Variants in CRISPLD1 observed in about 807,000 individuals in gnomAD.
The protein encoded by CRISPLD1 is cysteine-rich secretory protein LCCL domain-containing 1.
In CRISPLD1, 60 loss-of-function variants were observed where a neutral mutation model predicts 77.5. The observed-to-expected ratio is 0.77, with a 90% CI of 0.63 to 0.96. The LOEUF (loss-of-function observed/expected upper bound fraction) is 0.96. CRISPLD1 is among the 40% of genes least tolerant of loss of function. The pLI, the probability that CRISPLD1 is intolerant of heterozygous loss-of-function variation, is 0.00. For missense variants in CRISPLD1, 623 were observed against 615.8 expected (o/e 1.01, Z -0.12); for synonymous variants, 195 against 200.1 (o/e 0.97, Z 0.22).
At chr8:74,991,676 G>A (rs1039244530) in intron 2 of CRISPLD1, among the ~76,000 whole-genome samples, 3 of 152,108 alleles carry the variant, frequency 2.0e-5, no homozygotes, top group Non-Finnish European at 4.4e-5. Flanking sequence ...AATGGTGGGC[G>A]TGTGTCACTT....
chr8:74,986,084 G>C lies in CRISPLD1; in HGVS notation c.97G>C (p.Glu33Gln), dbSNP rs955216207. The change falls in exon 2 of 15, where the codon GAG becomes CAG. Residue 33 changes from glutamate (E) to glutamine (Q), a missense_variant. Glu to Gln is a conservative substitution (Grantham distance 29). Transcript: ENST00000262207. ...AMVVPNATLL[E>Q]KLLEKYMDED... Reference sequence around the variant, plus strand: ...GGTGGTTCCCAATGCCACTTTATTGGAGAAACTTTTGGAAAAATACATGGA... The same window carrying C: ...GGTGGTTCCCAATGCCACTTTATTGCAGAAACTTTTGGAAAAATACATGGA... 7 of 1,613,968 alleles carry C rather than the reference G, an allele frequency of 4.3e-6. No individual in the cohort carries two copies. Among genetic ancestry groups the C allele is most frequent in the Non-Finnish European group, 5.9e-6 (7 of 1,180,026 alleles).
chr8:75,016,175 C>T (rs1208081385), intron 6 of CRISPLD1, among the ~76,000 whole-genome samples: 1 of 152,046 alleles, frequency 6.6e-6, no homozygotes, highest in African/African-American at 2.4e-5. Context: ...AAATGTGATC[C>T]TCCTGAAAAT....
At chr8:75,017,658 C>G (rs1414517656) in intron 10 of CRISPLD1, among the ~76,000 whole-genome samples, 1 of 152,084 alleles carries the variant, frequency 6.6e-6, no homozygotes, top group Admixed American at 6.6e-5. Context: ...AATGGGCATG[C>G]TAAAACTCCA....
chr8:75,028,201 AG>A (rs1813268031), intron 13 of CRISPLD1, among the ~76,000 whole-genome samples: 1 of 152,194 alleles, frequency 6.6e-6, no homozygotes, highest in South Asian at 2.1e-4. Context: ...TCTTTGAGTA[AG>A]GATGCAGGTT....
intron 2 of CRISPLD1, among the ~76,000 whole-genome samples, chr8:74,988,209 A>G (rs1356918941): frequency 2.0e-5 from 3 of 152,260 alleles, no homozygotes; most frequent in Admixed American, 2.0e-4. Flanking sequence ...TTTTAAAACA[A>G]TGTAAATGAG....
At chr8:75,027,713 T>C (rs1358044258) in intron 13 of CRISPLD1, among the ~76,000 whole-genome samples, 1 of 152,182 alleles carries the variant, frequency 6.6e-6, no homozygotes, top group Non-Finnish European at 1.5e-5. Context: ...TCTCTCCAAA[T>C]AAAGGATGGA....
rs182009685 is a variant in CRISPLD1 at position 75,033,728 on chromosome 8, A to G, written c.*1486A>G. 6.6e-6 allele frequency: 1 copy of G among 152,156 alleles called. No homozygotes were observed. Among genetic ancestry groups the G allele is most frequent in the East Asian group, 1.9e-4 (1 of 5,190 alleles). 9.4% of individuals were successfully genotyped at this position (152,156 alleles called of 1,614,324 possible). ...AAGAAAAAGAAGAAGGTTCACATAA[A>G]TAGCTTCTGGAGTGCAAATTATAAA... is the stretch of plus-strand genomic sequence containing the variant. On this transcript the variant is annotated 3_prime_UTR_variant, in exon 15 of 15. Transcript: ENST00000262207.
chr8:74,990,033 T>G (rs1274761224), intron 2 of CRISPLD1, among the ~76,000 whole-genome samples: 1 of 152,136 alleles, frequency 6.6e-6, no homozygotes, highest in Non-Finnish European at 1.5e-5. Flanking sequence ...CTCACTTACA[T>G]GTGGGAGCTT....
At chr8:75,022,870 T>C (rs1276366989) in intron 12 of CRISPLD1, among the ~76,000 whole-genome samples, 1 of 152,014 alleles carries the variant, frequency 6.6e-6, no homozygotes, top group African/African-American at 2.4e-5. Context: ...CAAAATAAAC[T>C]ATCTAACTAT....
intron 2 of CRISPLD1, among the ~76,000 whole-genome samples, chr8:74,987,667 A>G (rs951978253): frequency 6.6e-5 from 10 of 152,200 alleles, no homozygotes; most frequent in African/African-American, 2.4e-4. Context: ...TCTAAAGTGA[A>G]AAATTCTATG....
intron 3 of CRISPLD1, 106 bp from the exon 4 acceptor site, chr8:75,012,784 A>G (rs1587017361): frequency 1.5e-6 from 2 of 1,297,524 alleles, no homozygotes; most frequent in Admixed American, 2.2e-5. Flanking sequence ...TTAATAGTTT[A>G]CGCCAAAGTG....
chr8:75,013,117 ATGGT>A, intron 4 of CRISPLD1, 95 bp downstream of exon 4: 1 of 1,061,462 alleles, frequency 9.4e-7, no homozygotes, highest in African/African-American at 1.6e-5. Context: ...CTTATTTAAT[ATGGT>A]TATTAAAAAA....
At chr8:74,986,895 A>G (rs924763862) in intron 2 of CRISPLD1, among the ~76,000 whole-genome samples, 1 of 152,198 alleles carries the variant, frequency 6.6e-6, no homozygotes, top group Non-Finnish European at 1.5e-5. Context: ...TTTAAGGGAC[A>G]TAATTACTTT....
intron 12 of CRISPLD1, among the ~76,000 whole-genome samples, chr8:75,023,386 A>T (rs1160681166): frequency 6.6e-6 from 1 of 152,168 alleles, no homozygotes; most frequent in Non-Finnish European, 1.5e-5. Flanking sequence ...GTCAAAGGGG[A>T]CACCCTTCTT....
In CRISPLD1 at chr8:75,016,612, A is replaced by G. The variant is rs745917660; in HGVS notation, c.775A>G (p.Ile259Val). The G allele has an allele frequency of 1.9e-6, 3 of 1,613,650 alleles. 1 individual carries two copies. The highest frequency in any genetic ancestry group is 2.5e-6 in the Non-Finnish European group (3 of 1,179,660). Reference sequence around the variant, plus strand: ...CCCTCGAGAAGAGGAAACAAATGAAATAGAACGACAGCAGTCACAAGTCCA... The same window carrying G: ...CCCTCGAGAAGAGGAAACAAATGAAGTAGAACGACAGCAGTCACAAGTCCA... The part of the protein sequence containing the change: ...YPPREEETNE[I>V]ERQQSQVHDT... The change falls in exon 7 of 15, where the codon ATA becomes GTA. Residue 259 changes from isoleucine (I) to valine (V), a missense_variant. Transcript: ENST00000262207.
At chr8:75,031,637 T>A (rs1813349564) in intron 14 of CRISPLD1, among the ~76,000 whole-genome samples, 1 of 151,916 alleles carries the variant, frequency 6.6e-6, no homozygotes, top group Non-Finnish European at 1.5e-5. Context: ...GTCTTTCAGA[T>A]TTGACCATTA....
chr8:75,021,843 A>G (rs1405633470), intron 12 of CRISPLD1, among the ~76,000 whole-genome samples: 2 of 152,174 alleles, frequency 1.3e-5, no homozygotes, highest in Non-Finnish European at 2.9e-5. Flanking sequence ...TAGAATTTAA[A>G]TTTATAAATA....
Position 75,025,634 on chromosome 8 carries a change from A to T in CRISPLD1, c.1320+13A>T. On this transcript the variant is annotated intron_variant, in intron 13 of 14. Coordinates refer to ENST00000262207, the MANE Select transcript of CRISPLD1 (RefSeq NM_031461.6). Reference sequence around the variant, plus strand: ...AGTTTATTCTGATGTAAGTATCCTAATTTATACAGCTGTCAACATTCATGT... The same window carrying T: ...AGTTTATTCTGATGTAAGTATCCTATTTTATACAGCTGTCAACATTCATGT... 1 of 1,385,844 alleles carries T rather than the reference A, an allele frequency of 7.2e-7. No individual in the cohort carries two copies. Among genetic ancestry groups the T allele is most frequent in the Non-Finnish European group, 1.0e-6 (1 of 976,284 alleles). The allele number at this position is 1,385,844 out of a possible 1,614,324, so 85.8% of individuals were successfully genotyped here. A position where few individuals can be genotyped will look rare whatever the true frequency, so the allele number is the denominator to read the frequency against.
intron 2 of CRISPLD1, chr8:75,000,106 A>C (rs1486454780): frequency 1.0e-6 from 1 of 982,262 alleles, no homozygotes; most frequent in African/African-American, 1.8e-5. Flanking sequence ...CTGTTTCTGG[A>C]ATGTCCCCTG....
Sources: gnomAD v4.1 joint callset for allele counts (sites outside exome capture counted in the v4.1 genomes callset) on GRCh38, gnomAD v4.1.1 for gene constraint, MANE v1.5 for transcripts, NCBI Gene and HGNC (gene_info 2026-07-23, HGNC 2026-07-21) for gene names.